The following RGS6 variants were observed in gnomAD, a reference collection of about 807,000 sequenced individuals.
RGS6 encodes the protein regulator of G protein signaling 6.
Under a neutral mutation model 78.5 loss-of-function variants are expected in RGS6, and 30 were observed. The ratio of observed to expected loss-of-function variants is 0.38; its 90% CI spans 0.29 to 0.52. The LOEUF is 0.52. Among genes scored for constraint, RGS6 ranks in the 20% least tolerant of loss-of-function variants. RGS6 has a pLI of 0.85. For synonymous variants in RGS6, 206 were observed against 206.0 expected (o/e 1.00, Z 0.00); for missense variants, 495 against 609.7 (o/e 0.81, Z 1.98).
chr14:72,473,316 C>T (rs1209946002), intron 9 of RGS6, among the ~76,000 whole-genome samples: 1 of 152,140 alleles, frequency 6.6e-6, no homozygotes, highest in East Asian at 1.9e-4. Flanking sequence ...TGGTGGCAGG[C>T]ACCTGTAGTC....
At chr14:72,064,482 G>A (rs568358299) in intron 2 of RGS6, among the ~76,000 whole-genome samples, 1 of 152,208 alleles carries the variant, frequency 6.6e-6, no homozygotes, top group South Asian at 2.1e-4. Context: ...AACTCATTTT[G>A]TACCAGGGTA....
At chr14:72,555,734 C>T (rs980712153) in intron 17 of RGS6, among the ~76,000 whole-genome samples, 3 of 152,206 alleles carry the variant, frequency 2.0e-5, no homozygotes, top group Admixed American at 6.5e-5. Flanking sequence ...TTTCCTTGTT[C>T]GTTTAGTGGA....
chr14:71,972,863 G>A (rs1053724033), intron 2 of RGS6, among the ~76,000 whole-genome samples: 1 of 152,088 alleles, frequency 6.6e-6, no homozygotes, highest in Non-Finnish European at 1.5e-5. Flanking sequence ...ATAATGAGGA[G>A]GAATGAGGAG....
the RGS6 span, chr14:72,629,495 G>T: frequency 1.3e-6 from 1 of 764,704 alleles, no homozygotes; most frequent in Non-Finnish European, 2.1e-6. Context: ...CTAATGGCCA[G>T]GTTGCTCCCA....
chr14:72,031,181 T>G (rs962844311), intron 2 of RGS6, among the ~76,000 whole-genome samples: 2 of 152,120 alleles, frequency 1.3e-5, no homozygotes, highest in African/African-American at 2.4e-5. Flanking sequence ...TTGAAAATAT[T>G]AAATGATAGA....
rs765559230 is a variant in RGS6, at chr14:72,226,399, TTCTA to T, written c.85-125691_85-125688del. Among the ~76,000 whole-genome samples the T allele has an allele frequency of 6.6e-5, 10 of 152,352 alleles. No homozygotes were observed. The South Asian group carries it at 2.1e-3, about 32-fold the overall frequency. ...TATATGAGATGAAAAATATGATTTCTTCTATCTAACTAGCTAAACTGTGGCACAT... is the reference window on the plus strand; with the variant it reads ...TATATGAGATGAAAAATATGATTTCTTCTAACTAGCTAAACTGTGGCACAT... On this transcript the variant is annotated intron_variant, in intron 2 of 17. Transcript: ENST00000553525.
At chr14:72,505,502 T>A (rs1049173715) in intron 13 of RGS6, among the ~76,000 whole-genome samples, 1 of 152,240 alleles carries the variant, frequency 6.6e-6, no homozygotes, top group African/African-American at 2.4e-5. Flanking sequence ...AAGATTTCAA[T>A]GTATTAATTT....
At chr14:72,182,828 G>T (rs1374345665) in intron 2 of RGS6, among the ~76,000 whole-genome samples, 1 of 152,204 alleles carries the variant, frequency 6.6e-6, no homozygotes, top group Non-Finnish European at 1.5e-5. Context: ...GCACGATTTA[G>T]CAGAACTTTA....
intron 17 of RGS6, among the ~76,000 whole-genome samples, chr14:72,551,949 G>A (rs775791896): frequency 1.3e-5 from 2 of 152,210 alleles, no homozygotes; most frequent in Non-Finnish European, 2.9e-5. Context: ...AATGCATAAC[G>A]TCCTTAGCAC....
At chr14:71,881,508 C>T in the RGS6 span, among the ~76,000 whole-genome samples, 9 of 152,316 alleles carry the variant, frequency 5.9e-5, no homozygotes, top group African/African-American at 2.2e-4. Context: ...TTCCCCCATA[C>T]TGTTCTCATG....
intron 3 of RGS6, among the ~76,000 whole-genome samples, chr14:72,411,183 T>C (rs9743489): frequency 0.48 from 72,417 of 151,970 alleles, 17,946 homozygotes; most frequent in East Asian, 0.62. Context: ...TTCACGATAT[T>C]GATTCTTCCT....
chr14:72,192,303 C>A (rs117375825), intron 2 of RGS6, among the ~76,000 whole-genome samples: 1 of 152,130 alleles, frequency 6.6e-6, no homozygotes, highest in South Asian at 2.1e-4. Context: ...TAGGTTATAT[C>A]GTTATCTCTG....
chr14:72,401,759 T>G (rs1017554332), intron 3 of RGS6, among the ~76,000 whole-genome samples: 31 of 152,056 alleles, frequency 2.0e-4, no homozygotes, highest in African/African-American at 7.2e-4. Context: ...CATCCAAACC[T>G]GAAAGAATAA....
intron 2 of RGS6, among the ~76,000 whole-genome samples, chr14:72,083,152 A>G (rs979934260): frequency 2.0e-5 from 3 of 152,182 alleles, no homozygotes; most frequent in Non-Finnish European, 2.9e-5. Flanking sequence ...CTCAGCCACA[A>G]TTCACTCATA....
intron 2 of RGS6, among the ~76,000 whole-genome samples, chr14:72,060,147 A>G (rs1214062895): frequency 6.6e-6 from 1 of 151,984 alleles, no homozygotes; most frequent in Non-Finnish European, 1.5e-5. Flanking sequence ...CAGTCATCCA[A>G]CTCCTTTCTA....
At chr14:72,324,685 T>G (rs1255946460) in intron 2 of RGS6, among the ~76,000 whole-genome samples, 1 of 152,170 alleles carries the variant, frequency 6.6e-6, no homozygotes, top group East Asian at 1.9e-4. Flanking sequence ...GGACATGAAC[T>G]CATCCTTTTT....
the RGS6 span, among the ~76,000 whole-genome samples, chr14:71,915,500 T>G: frequency 6.6e-6 from 1 of 152,154 alleles, no homozygotes; most frequent in Non-Finnish European, 1.5e-5. Context: ...CTGGCCATTG[T>G]TGTATGACTA....
chr14:72,550,548 C>G, intron 17 of RGS6: 1 of 1,535,684 alleles, frequency 6.5e-7, no homozygotes, highest in Non-Finnish European at 8.7e-7. Context: ...CAAGACAACA[C>G]TTAACCCAAC....
chr14:72,421,577 T>TG (rs2094183638), intron 3 of RGS6: 2 of 152,098 alleles, frequency 1.3e-5, no homozygotes, highest in Non-Finnish European at 2.9e-5. Flanking sequence ...ATGTGGGATG[T>TG]GCCCCTCCAG....
Sources: allele counts gnomAD v4.1 joint callset (sites outside exome capture counted in the v4.1 genomes callset), GRCh38; gene constraint gnomAD v4.1.1; transcripts MANE v1.5; gene names NCBI Gene and HGNC (gene_info 2026-07-23, HGNC 2026-07-21).